The following PODXL variants were observed in gnomAD, a reference collection of about 807,000 sequenced individuals.
PODXL encodes the protein podocalyxin.
A neutral mutation model predicts 48.9 loss-of-function variants in PODXL; 20 were observed. That is an observed-to-expected ratio of 0.41 (90% confidence interval 0.29 to 0.59). PODXL has a LOEUF of 0.59. Ranked by LOEUF, PODXL falls within the 20% of genes least tolerant of loss-of-function variation. The pLI is 0.31. For synonymous variants in PODXL, 295 were observed against 287.4 expected (o/e 1.03, Z -0.27); for missense variants, 606 against 675.1 (o/e 0.90, Z 1.13).
At chr7:131,526,432 T>C (rs1300308645) in intron 1 of PODXL, among the ~76,000 whole-genome samples, 1 of 151,514 alleles carries the variant, frequency 6.6e-6, no homozygotes, top group East Asian at 1.9e-4. Context: ...TCCAAAAAAA[T>C]TGTAGGTATG....
chr7:131,554,048 C>T (rs1390598328), intron 1 of PODXL, among the ~76,000 whole-genome samples: 1 of 152,076 alleles, frequency 6.6e-6, no homozygotes, highest in African/African-American at 2.4e-5. Context: ...GGGGATAATT[C>T]CTTTGTTGCA....
intron 4 of PODXL, 130 bp downstream of exon 4, chr7:131,509,235 G>T (rs759799964): frequency 1.2e-6 from 1 of 838,646 alleles, no homozygotes; most frequent in East Asian, 2.6e-5. Flanking sequence ...AGGGAGGAGG[G>T]AATGGGTAAG....
At chr7:131,527,953 G>C (rs1472342754) in intron 1 of PODXL, among the ~76,000 whole-genome samples, 1 of 146,876 alleles carries the variant, frequency 6.8e-6, no homozygotes, top group African/African-American at 2.6e-5. Flanking sequence ...ACCCTGGCTG[G>C]AGTGCAGTGG....
chr7:131,502,994 C>G lies in PODXL; in HGVS notation c.*1317G>C, dbSNP rs1226250486. ...GTCCCCCAGGCTGCCCTTCATGCAC[C>G]CAGCATGCACTGCGCTTTCCAGGCC... On this transcript the variant is annotated 3_prime_UTR_variant, in exon 9 of 9. Transcript: ENST00000378555. 3 of 152,686 alleles carry G rather than the reference C, an allele frequency of 2.0e-5. No homozygotes were observed. The highest frequency in any genetic ancestry group is 7.2e-5 in the African/African-American group (3 of 41,448). The allele number at this position is 152,686 out of a possible 1,614,324, so 9.5% of individuals were successfully genotyped here.
intron 1 of PODXL, among the ~76,000 whole-genome samples, chr7:131,541,736 C>T (rs1173013269): frequency 6.6e-6 from 1 of 151,946 alleles, no homozygotes; most frequent in Non-Finnish European, 1.5e-5. Flanking sequence ...TGAGGACTGG[C>T]TCCCTTGTCC....
rs7780021 is a variant in PODXL at position 131,556,326 on chromosome 7, G to A, written c.34C>T (p.Leu12=). 0.26 allele frequency: 393,804 copies of A among 1,488,954 alleles called. 52,962 individuals carry two copies. Among genetic ancestry groups the A allele is most frequent in the South Asian group, 0.33 (25,213 of 76,694 alleles). The allele number at this position is 1,488,954 out of a possible 1,614,324, so 92.2% of individuals were successfully genotyped here. A position where few individuals can be genotyped will look rare whatever the true frequency, so the allele number is the denominator to read the frequency against. Residue 12 remains leucine (L), a synonymous_variant, in exon 1 of 9, where the codon CTA becomes TTA. Coordinates refer to ENST00000378555, the MANE Select transcript of PODXL (RefSeq NM_001018111.3). ...RCALALSALL[L]LLSTPPLLPS... Reference sequence around the variant, plus strand: ...AGCAGCGGCGGCGTTGACAACAGTAGCAGCAGCGCCGAGAGCGCCAGCGCG... The same window carrying A: ...AGCAGCGGCGGCGTTGACAACAGTAACAGCAGCGCCGAGAGCGCCAGCGCG...
Position 131,506,579 on chromosome 7 carries a change from T to C in PODXL, c.1249A>G (p.Thr417Ala). 6.2e-7 allele frequency: 1 copy of C among 1,613,876 alleles called. No homozygotes were observed. The highest frequency in any genetic ancestry group is 8.5e-7 in the Non-Finnish European group (1 of 1,179,900). The stretch of plus-strand genomic sequence containing the variant: ...CCAGGCCCCCTTGCCCTCCACTCAC[T>C]GTGAATAGTGATTTCTTTGACGACC... ...TVVVKEITIHTKLPAKDVYER... is the reference protein window; with the variant it reads ...TVVVKEITIHAKLPAKDVYER... Residue 417 changes from threonine to alanine, a missense_variant and splice_region_variant, in exon 6 of 9, where the codon ACT (threonine) becomes GCT (alanine). Transcript: ENST00000378555.
intron 1 of PODXL, among the ~76,000 whole-genome samples, chr7:131,525,182 G>A (rs1400206261): frequency 3.9e-5 from 6 of 152,214 alleles, no homozygotes; most frequent in South Asian, 2.1e-4. Flanking sequence ...AAAGATTTGC[G>A]TACTCCAAGA....
intron 8 of PODXL, among the ~76,000 whole-genome samples, chr7:131,504,749 A>C (rs995475809): frequency 1.3e-5 from 2 of 152,146 alleles, no homozygotes; most frequent in Non-Finnish European, 2.9e-5. Flanking sequence ...AAGTTAGTGG[A>C]GATGGACTTT....
At position 131,511,151 on chromosome 7, in the gene PODXL, C is replaced by T. The variant is rs1797906394; in HGVS notation, c.383G>A (p.Ser128Asn). ...TTIESPKSTK[S>N]ADTTTVATST... Reference sequence around the variant, plus strand: ...GGTTGCAACTGTAGTGGTGTCTGCACTTTTTGTGCTCTTGGGGCTCTCGAT... The same window carrying T: ...GGTTGCAACTGTAGTGGTGTCTGCATTTTTTGTGCTCTTGGGGCTCTCGAT... Residue 128 changes from serine to asparagine, a missense_variant, in exon 2 of 9, where the codon AGT (serine) becomes AAT (asparagine). Ser to Asn is a conservative substitution (Grantham distance 46). Transcript: ENST00000378555. 2 of 1,613,762 alleles carry T rather than the reference C, an allele frequency of 1.2e-6. No homozygotes were observed. Among genetic ancestry groups the T allele is most frequent in the Non-Finnish European group, 1.7e-6 (2 of 1,179,942 alleles).
chr7:131,520,760 C>T (rs1453175633), intron 1 of PODXL, among the ~76,000 whole-genome samples: 2 of 152,204 alleles, frequency 1.3e-5, no homozygotes, highest in Non-Finnish European at 2.9e-5. Context: ...AAGACTGATA[C>T]ATTTAGCGTC....
Position 131,545,028 on chromosome 7 carries a change from C to T in PODXL, c.100+11232G>A, listed in dbSNP as rs891304359. 5.9e-5 allele frequency among the ~76,000 whole-genome samples: 9 copies of T among 152,130 alleles called. 1 individual carries two copies. Among genetic ancestry groups the T allele is most frequent in the South Asian group, 4.1e-4 (2 of 4,824 alleles). ...CGGGACTCAGGATCTAAAACAGCAC[C>T]GTGATGCTGTCAGGGTCAAGGACTC... On this transcript the variant is annotated intron_variant, in intron 1 of 8. Coordinates refer to ENST00000378555, the MANE Select transcript of PODXL (RefSeq NM_001018111.3).
intron 1 of PODXL, among the ~76,000 whole-genome samples, chr7:131,514,189 A>G (rs1797957793): frequency 6.6e-6 from 1 of 152,202 alleles, no homozygotes; most frequent in African/African-American, 2.4e-5. Context: ...AGGCCAAGGC[A>G]GGTGGATCAC....
intron 1 of PODXL, among the ~76,000 whole-genome samples, chr7:131,517,114 A>G (rs1798011562): frequency 6.6e-6 from 1 of 152,140 alleles, no homozygotes; most frequent in Admixed American, 6.5e-5. Context: ...AGGACTATTC[A>G]TATGTTCTGA....
intron 1 of PODXL, among the ~76,000 whole-genome samples, chr7:131,543,267 AG>A (rs1798512435): frequency 6.6e-6 from 1 of 152,258 alleles, no homozygotes; most frequent in African/African-American, 2.4e-5. Flanking sequence ...CTGGAATTAC[AG>A]GTCCATACCA....
intron 6 of PODXL, 84 bp downstream of exon 6, chr7:131,506,495 G>T: frequency 6.7e-7 from 1 of 1,501,790 alleles, no homozygotes; most frequent in South Asian, 1.2e-5. Flanking sequence ...GCACCACTGT[G>T]ACCCACCCTC....
chr7:131,542,365 T>C (rs1462151413), intron 1 of PODXL, among the ~76,000 whole-genome samples: 1 of 151,954 alleles, frequency 6.6e-6, no homozygotes, highest in Admixed American at 6.6e-5. Flanking sequence ...TAATTCAAAG[T>C]GGAAGGGAGG....
intron 1 of PODXL, among the ~76,000 whole-genome samples, chr7:131,552,463 C>T (rs1798683340): frequency 6.6e-6 from 1 of 152,164 alleles, no homozygotes; most frequent in African/African-American, 2.4e-5. Context: ...GGTGTTAAAA[C>T]CCCAGGCAGC....
intron 1 of PODXL, among the ~76,000 whole-genome samples, chr7:131,549,157 G>C (rs547273163): frequency 4.6e-5 from 7 of 152,120 alleles, no homozygotes; most frequent in South Asian, 4.1e-4. Flanking sequence ...GAGTGTGCTG[G>C]GGGGGAGGGG....
Sources: gnomAD v4.1 joint callset for allele counts (sites outside exome capture counted in the v4.1 genomes callset) on GRCh38, gnomAD v4.1.1 for gene constraint, MANE v1.5 for transcripts, NCBI Gene and HGNC (gene_info 2026-07-23, HGNC 2026-07-21) for gene names.